The following GNB1 variants were observed in gnomAD, a reference collection of about 807,000 sequenced individuals.
GNB1 encodes the protein G protein subunit beta 1.
A neutral mutation model predicts 42.9 loss-of-function variants in GNB1; 2 were observed. The ratio of observed to expected loss-of-function variants is 0.05; its 90% confidence interval spans 0.02 to 0.15. The LOEUF is 0.15. GNB1 is among the 10% of genes least tolerant of loss of function. The pLI, the probability that GNB1 is intolerant of heterozygous loss-of-function variation, is 1.00. For synonymous variants in GNB1, 183 were observed against 174.7 expected, an observed-to-expected ratio of 1.05 and a Z score of -0.38; for missense variants, 193 against 462.2, an observed-to-expected ratio of 0.42 and a Z score of 5.34.
intron 1 of GNB1, among the ~76,000 whole-genome samples, chr1:1,854,086 G>A (rs1648135768): frequency 6.6e-6 from 1 of 152,214 alleles, no homozygotes; most frequent in Non-Finnish European, 1.5e-5. Flanking sequence ...TGCTGTTCTA[G>A]AACTTGCTTG....
At chr1:1,832,902 T>C (rs1343205707) in intron 2 of GNB1, among the ~76,000 whole-genome samples, 1 of 152,230 alleles carries the variant, frequency 6.6e-6, no homozygotes, top group Non-Finnish European at 1.5e-5. Context: ...GTTATCTATA[T>C]CACAGAGCTA....
At chr1:1,844,812 T>C (rs765169411) in intron 1 of GNB1, among the ~76,000 whole-genome samples, 4 of 152,224 alleles carry the variant, frequency 2.6e-5, no homozygotes, top group Non-Finnish European at 5.9e-5. Flanking sequence ...ATTAAAGCCT[T>C]GCCGTAAGTG....
chr1:1,829,831 C>T (rs569935569), intron 2 of GNB1, among the ~76,000 whole-genome samples: 6 of 152,150 alleles, frequency 3.9e-5, no homozygotes, highest in Admixed American at 1.3e-4. Context: ...CTCCGCCTCC[C>T]GATTTCAAGC....
chr1:1,852,813 C>T (rs192606166), intron 1 of GNB1, among the ~76,000 whole-genome samples: 10 of 152,266 alleles, frequency 6.6e-5, no homozygotes, highest in Admixed American at 4.6e-4. Context: ...ATCCTGCTCT[C>T]ACCAACCCAG....
intron 1 of GNB1, among the ~76,000 whole-genome samples, chr1:1,854,459 A>C (rs1648155930): frequency 6.6e-6 from 1 of 152,236 alleles, no homozygotes; most frequent in South Asian, 2.1e-4. Context: ...CTCTTAAATT[A>C]AACTCTGACA....
chr1:1,861,318 T>A (rs1160759913), intron 1 of GNB1, among the ~76,000 whole-genome samples: 1 of 151,712 alleles, frequency 6.6e-6, no homozygotes, highest in Non-Finnish European at 1.5e-5. Flanking sequence ...TTTTTAAAAA[T>A]TAACTGGACA....
chr1:1,796,304 G>C (rs1339729613), intron 7 of GNB1, among the ~76,000 whole-genome samples: 1 of 152,176 alleles, frequency 6.6e-6, no homozygotes, highest in Non-Finnish European at 1.5e-5. Flanking sequence ...CAGAGACCAG[G>C]TCTAACCCCT....
At chr1:1,870,778 T>C (rs1649204338) in intron 1 of GNB1, among the ~76,000 whole-genome samples, 1 of 151,878 alleles carries the variant, frequency 6.6e-6, no homozygotes, top group South Asian at 2.1e-4. Flanking sequence ...CTACTAAAAA[T>C]GCAAAATAAA....
chr1:1,886,852 C>T (rs146680480), intron 1 of GNB1, among the ~76,000 whole-genome samples: 1,936 of 152,148 alleles, frequency 0.013, 42 homozygotes, highest in African/African-American at 0.044. Context: ...ATTACAGGTG[C>T]CCAGCACCAC....
chr1:1,787,290 CTCA>C lies in GNB1; in HGVS notation c.*9+29_*9+31del. On this transcript the variant is annotated intron_variant, in intron 11 of 11. Transcript: ENST00000378609. The surrounding 1 kb of genome is among the most constrained non-coding windows in gnomAD (Gnocchi z 4.4). ...TCTATGAGAAACACGCACAGTTCTC[CTCA>C]GAGAAGGGCATTTGGGCTGCTGCAT... 9.1e-7 allele frequency: 1 copy of C among 1,102,700 alleles called. No individual in the cohort carries two copies. The highest frequency in any genetic ancestry group is 1.4e-6 in the Non-Finnish European group (1 of 717,236). The allele number at this position is 1,102,700 out of a possible 1,614,324, so 68.3% of individuals were successfully genotyped here. A position where few individuals can be genotyped will look rare whatever the true frequency, so the allele number is the denominator to read the frequency against.
At chr1:1,839,391 T>C (rs1203505880) in intron 1 of GNB1, among the ~76,000 whole-genome samples, 153 bp from the exon 2 acceptor site, 4 of 152,212 alleles carry the variant, frequency 2.6e-5, no homozygotes. Context: ...TTAGCAGTAC[T>C]GTCATATTTT....
At position 1,785,803 on chromosome 1, in the gene GNB1, CT is replaced by C. The variant is rs1163428232; in HGVS notation, c.*1259del. 17,341 of 275,006 alleles carry C rather than the reference CT, an allele frequency of 0.063. 21 individuals carry two copies. Among genetic ancestry groups the C allele is most frequent in the Middle Eastern group, 0.1 (104 of 992 alleles). The allele number at this position is 275,006 out of a possible 1,614,324, so 17.0% of individuals were successfully genotyped here. On this transcript the variant is annotated 3_prime_UTR_variant, in exon 12 of 12. Transcript: ENST00000378609. ...CCAACAGCAGTCGTTTGCAACAGAA[CT>C]TTTTTTTTTTTAAAGAAATAAAGAA...
At chr1:1,881,533 A>G (rs1458192518) in intron 1 of GNB1, among the ~76,000 whole-genome samples, 1 of 151,948 alleles carries the variant, frequency 6.6e-6, no homozygotes, top group Non-Finnish European at 1.5e-5. Context: ...CCTAATGAGT[A>G]GCTGAGAATA....
chr1:1,871,875 A>G (rs1649269152), intron 1 of GNB1, among the ~76,000 whole-genome samples: 1 of 151,648 alleles, frequency 6.6e-6, no homozygotes, highest in Admixed American at 6.6e-5. Flanking sequence ...ATTTCTTCCC[A>G]TTTCCTTAGT....
At chr1:1,835,881 G>C (rs889428395) in intron 2 of GNB1, among the ~76,000 whole-genome samples, 1 of 145,782 alleles carries the variant, frequency 6.9e-6, no homozygotes, top group Non-Finnish European at 1.5e-5. Context: ...AGACCAGCCT[G>C]GGCAACATAC....
At chr1:1,889,585 G>A (rs576451968) in intron 1 of GNB1, among the ~76,000 whole-genome samples, 38 of 151,634 alleles carry the variant, frequency 2.5e-4, no homozygotes, top group African/African-American at 9.2e-4. Context: ...GCTGAGGCGG[G>A]AGGATCGCTT....
At chr1:1,878,034 G>A (rs965607262) in intron 1 of GNB1, among the ~76,000 whole-genome samples, 3 of 152,206 alleles carry the variant, frequency 2.0e-5, no homozygotes, top group African/African-American at 4.8e-5. Context: ...ATAGGCTCCA[G>A]GAGCAATGAC....
chr1:1,819,970 G>A (rs1478185694), intron 3 of GNB1, among the ~76,000 whole-genome samples: 2 of 152,234 alleles, frequency 1.3e-5, no homozygotes, highest in Admixed American at 6.5e-5. Flanking sequence ...GGTGGAGGAC[G>A]AGTTCCCAGC....
chr1:1,835,688 T>C (rs1647136975), intron 2 of GNB1, among the ~76,000 whole-genome samples: 1 of 152,060 alleles, frequency 6.6e-6, no homozygotes, highest in Non-Finnish European at 1.5e-5. Context: ...CATGTACAAG[T>C]CTTTATGAGA....
Sources: allele counts gnomAD v4.1 joint callset (sites outside exome capture counted in the v4.1 genomes callset), GRCh38; gene constraint gnomAD v4.1.1; non-coding constraint Gnocchi (gnomAD v3.1); transcripts MANE v1.5; gene names NCBI Gene and HGNC (gene_info 2026-07-23, HGNC 2026-07-21).